ASAP1: variants seen among roughly 807,000 people sequenced by gnomAD.
ASAP1 encodes the protein ArfGAP with SH3 domain, ankyrin repeat and PH domain 1, also known as arf-GAP with SH3 domain, ANK repeat and PH domain-containing protein 1.
A neutral mutation model predicts 145.2 loss-of-function variants in ASAP1; 43 were observed. That is an observed-to-expected ratio of 0.30 (90% CI 0.23 to 0.38). The LOEUF is 0.38. ASAP1 is among the 10% of genes least tolerant of loss of function. The pLI is 1.00. For missense variants in ASAP1, 1,018 were observed against 1,355.3 expected, an observed-to-expected ratio of 0.75 and a Z score of 3.91; for synonymous variants, 546 against 515.5, an observed-to-expected ratio of 1.06 and a Z score of -0.80.
intron 3 of ASAP1, among the ~76,000 whole-genome samples, chr8:130,292,054 T>C (rs752821390): frequency 9.2e-5 from 14 of 152,268 alleles, no homozygotes; most frequent in South Asian, 6.2e-4. Context: ...AGAACTGAAC[T>C]CGAAACTGAA....
chr8:130,060,880 G>A lies in ASAP1; in HGVS notation c.2891C>T (p.Pro964Leu), dbSNP rs1564914480. 1.2e-6 allele frequency: 2 copies of A among 1,613,880 alleles called. No individual in the cohort carries two copies. The highest frequency in any genetic ancestry group is 1.6e-4 in the Middle Eastern group (1 of 6,062). The change falls in exon 28 of 30, where the codon CCC (proline) becomes CTC (leucine). Residue 964 changes from proline to leucine, a missense_variant. Pro to Leu is a moderately conservative substitution (Grantham distance 98, BLOSUM62 -3). Coordinates refer to ENST00000518721, the MANE Select transcript of ASAP1 (RefSeq NM_018482.4). ...DLPPKPGELP[P>L]KPQLGDLPPK... Reference sequence around the variant, plus strand: ...TGGCAGGTCCCCCAGCTGTGGTTTGGGGGGCAGTTCTCCTGGCTTAGGCGG... The same window carrying A: ...TGGCAGGTCCCCCAGCTGTGGTTTGAGGGGCAGTTCTCCTGGCTTAGGCGG...
intron 29 of ASAP1, among the ~76,000 whole-genome samples, chr8:130,055,535 TAA>T (rs5895033): frequency 8.0e-4 from 97 of 121,422 alleles, no homozygotes; most frequent in Non-Finnish European, 7.6e-4. Flanking sequence ...TTCTAGCCAG[TAA>T]AAAAAAAAAA....
intron 2 of ASAP1, among the ~76,000 whole-genome samples, chr8:130,386,203 T>C (rs572558634): frequency 2.6e-5 from 4 of 151,986 alleles, no homozygotes; most frequent in African/African-American, 4.8e-5. Flanking sequence ...GGGCGAGAGA[T>C]TCAGTGGTGA....
chr8:130,184,046 A>G (rs1586541796), intron 7 of ASAP1, among the ~76,000 whole-genome samples: 1 of 152,260 alleles, frequency 6.6e-6, no homozygotes, highest in African/African-American at 2.4e-5. Flanking sequence ...GCTAGAGCAG[A>G]TAAGAATTCA....
In ASAP1 at chr8:130,218,655, AC is replaced by A. The variant is rs370545773; in HGVS notation, c.260-3955del. On this transcript the variant is annotated intron_variant, in intron 4 of 29. Coordinates refer to ENST00000518721, the MANE Select transcript of ASAP1 (RefSeq NM_018482.4). Reference sequence around the variant, plus strand: ...TGGGAGAAGCTCAGAACCTTCTGTGACCCAAATCCTTATGCTTTCTACAATC... The same window carrying A: ...TGGGAGAAGCTCAGAACCTTCTGTGACCAAATCCTTATGCTTTCTACAATC... 5.3e-3 allele frequency among the ~76,000 whole-genome samples: 807 copies of A among 152,270 alleles called. 7 individuals carry two copies. The highest frequency in any genetic ancestry group is 0.019 in the African/African-American group (778 of 41,528).
At chr8:130,229,741 T>TA (rs897016765) in intron 4 of ASAP1, among the ~76,000 whole-genome samples, 16 of 152,250 alleles carry the variant, frequency 1.1e-4, no homozygotes, top group Non-Finnish European at 1.8e-4. Flanking sequence ...CCTAAGGCTT[T>TA]AAAAAACCCC....
chr8:130,295,692 T>A (rs745801811), intron 3 of ASAP1, among the ~76,000 whole-genome samples: 1 of 152,170 alleles, frequency 6.6e-6, no homozygotes, highest in African/African-American at 2.4e-5. Flanking sequence ...ATGATGTGCA[T>A]GAGGTGGACT....
Position 130,118,668 on chromosome 8 carries a change from G to T in ASAP1, c.1615C>A (p.Arg539=). 1.2e-6 allele frequency: 2 copies of T among 1,605,258 alleles called. No individual in the cohort carries two copies. Among genetic ancestry groups the T allele is most frequent in the Non-Finnish European group, 8.5e-7 (1 of 1,174,416 alleles). The part of the protein sequence containing the change: ...KPTPSSDMTV[R]KEYITAKYVD... ...TACTTTGCAGTGATATATTCTTTTC[G>T]TACAGTCCTAAAACAGAACAAAATA... Residue 539 remains arginine, a synonymous_variant, in exon 19 of 30, where the codon CGA becomes AGA. Coordinates refer to ENST00000518721, the MANE Select transcript of ASAP1 (RefSeq NM_018482.4).
intron 9 of ASAP1, among the ~76,000 whole-genome samples, chr8:130,171,822 T>G (rs1813615873): frequency 6.6e-6 from 1 of 152,232 alleles, no homozygotes; most frequent in Non-Finnish European, 1.5e-5. Flanking sequence ...AGTGTTAACC[T>G]GAAACCAGCA....
At chr8:130,362,088 C>T (rs1274334287) in intron 2 of ASAP1, among the ~76,000 whole-genome samples, 2 of 152,128 alleles carry the variant, frequency 1.3e-5, no homozygotes, top group Non-Finnish European at 2.9e-5. Context: ...GTGGCTTATT[C>T]TTCTGAACAG....
At chr8:130,254,174 T>C (rs1417056142) in intron 3 of ASAP1, among the ~76,000 whole-genome samples, 2 of 152,248 alleles carry the variant, frequency 1.3e-5, no homozygotes, top group Admixed American at 1.3e-4. Flanking sequence ...CTATTGTCTG[T>C]ACAAAGAGAC....
chr8:130,168,327 A>AAAAAC (rs965184397), intron 10 of ASAP1, among the ~76,000 whole-genome samples: 3 of 152,288 alleles, frequency 2.0e-5, no homozygotes, highest in Non-Finnish European at 2.9e-5. Flanking sequence ...AAAACATGCA[A>AAAAAC]AAAACAAAAC....
chr8:130,418,023 A>T lies in ASAP1; in HGVS notation c.-27-16053T>A, dbSNP rs188910506. On this transcript the variant is annotated intron_variant, in intron 1 of 29. Transcript: ENST00000518721. ...TGGACACGGGGAGCGGGTCAGCTCC[A>T]CAAGACCCACAGACCAAGGGAGGGG... Among the ~76,000 whole-genome samples, 3 of 152,354 alleles carry T rather than the reference A, an allele frequency of 2.0e-5. No homozygotes were observed. The East Asian group carries it at 5.8e-4, about 29-fold the overall frequency.
At chr8:130,347,622 A>G (rs1045244219) in intron 3 of ASAP1, among the ~76,000 whole-genome samples, 5 of 152,106 alleles carry the variant, frequency 3.3e-5, no homozygotes, top group African/African-American at 1.2e-4. Context: ...CAGGCTGAAG[A>G]CGAAGACTTA....
At chr8:130,306,258 C>T (rs141743852) in intron 3 of ASAP1, among the ~76,000 whole-genome samples, 45 of 152,280 alleles carry the variant, frequency 3.0e-4, no homozygotes, top group African/African-American at 1.1e-3. Context: ...AAGGTGTTAC[C>T]TTTCACTACA....
At chr8:130,132,015 C>A (rs549096095) in intron 15 of ASAP1, among the ~76,000 whole-genome samples, 12 of 152,256 alleles carry the variant, frequency 7.9e-5, no homozygotes, top group African/African-American at 2.9e-4. Context: ...CCTGCCTCAC[C>A]CAAATTACTC....
intron 12 of ASAP1, among the ~76,000 whole-genome samples, chr8:130,157,979 C>T (rs2097661268): frequency 6.6e-6 from 1 of 152,124 alleles, no homozygotes; most frequent in Admixed American, 6.6e-5. Context: ...TTGTTCAATG[C>T]TGTATTCTCA....
chr8:130,157,065 A>G (rs2097659609), intron 12 of ASAP1, among the ~76,000 whole-genome samples: 2 of 152,214 alleles, frequency 1.3e-5, no homozygotes, highest in Admixed American at 1.3e-4. Context: ...TCGTTTGATG[A>G]CAGAACAGGT....
chr8:130,286,991 A>T (rs927225147), intron 3 of ASAP1, among the ~76,000 whole-genome samples: 2 of 152,180 alleles, frequency 1.3e-5, no homozygotes, highest in African/African-American at 4.8e-5. Context: ...GAATGAGCAC[A>T]ATTTGAGGGA....
Sources: allele counts gnomAD v4.1 joint callset (sites outside exome capture counted in the v4.1 genomes callset), GRCh38; gene constraint gnomAD v4.1.1; transcripts MANE v1.5; gene names NCBI Gene and HGNC (gene_info 2026-07-23, HGNC 2026-07-21).